TAF5L: variants seen among roughly 807,000 people sequenced by gnomAD.
TAF5L encodes the protein TATA-box binding protein associated factor 5 like, also known as TAF5-like RNA polymerase II p300/CBP-associated factor-associated factor 65 kDa subunit 5L.
Under a neutral mutation model 51.3 loss-of-function variants are expected in TAF5L, and 7 were observed. The ratio of observed to expected loss-of-function variants is 0.14; its 90% confidence interval spans 0.08 to 0.26. The LOEUF (loss-of-function observed/expected upper bound fraction) is 0.26, where lower values mean the gene tolerates loss of function less well. Ranked by LOEUF, TAF5L falls within the 10% of genes least tolerant of loss-of-function variation. The pLI is 1.00. For synonymous variants in TAF5L, 291 were observed against 308.1 expected, an observed-to-expected ratio of 0.94 and a Z score of 0.58; for missense variants, 575 against 758.9, an observed-to-expected ratio of 0.76 and a Z score of 2.85.
intron 4 of TAF5L, chr1:229,600,332 T>A: frequency 3.0e-6 from 3 of 985,400 alleles, no homozygotes; most frequent in Non-Finnish European, 3.6e-6. Context: ...GGTTTATTCT[T>A]AAAAAGGGCA....
At chr1:229,607,166 C>A in intron 3 of TAF5L, 7 of 985,360 alleles carry the variant, frequency 7.1e-6, no homozygotes, top group Non-Finnish European at 8.4e-6. Context: ...AGTCTTAAAG[C>A]CTGAGCCATC....
Position 229,594,943 on chromosome 1 carries a change from G to A in TAF5L, c.1124C>T (p.Thr375Ile), listed in dbSNP as rs371849372. Residue 375 changes from threonine (T) to isoleucine (I), a missense_variant, in exon 5 of 5, where the codon ACC becomes ATC. Thr to Ile is a moderately conservative substitution (Grantham distance 89). Coordinates refer to ENST00000258281, the Ensembl canonical transcript of TAF5L. The surrounding 1 kb of genome is among the most constrained non-coding windows in gnomAD (Gnocchi z 7.9). Reference sequence around the variant, plus strand: ...ATGTCCTTGGTACAACACAGTGTTGGTGAAACTCCCCAGATCCCAGTATCT... The same window carrying A: ...ATGTCCTTGGTACAACACAGTGTTGATGAAACTCCCCAGATCCCAGTATCT... 6.2e-7 allele frequency: 1 copy of A among 1,614,236 alleles called. No homozygotes were observed. Among genetic ancestry groups the A allele is most frequent in the Non-Finnish European group, 8.5e-7 (1 of 1,180,046 alleles).
intron 1 of TAF5L, among the ~76,000 whole-genome samples, chr1:229,619,113 T>A (rs1428015689): frequency 6.6e-6 from 1 of 152,164 alleles, no homozygotes; most frequent in Non-Finnish European, 1.5e-5. Flanking sequence ...TAACTCAAGT[T>A]ATTAGTTCTC....
intron 4 of TAF5L, chr1:229,600,006 G>T: frequency 9.1e-6 from 9 of 984,974 alleles, no homozygotes; most frequent in Non-Finnish European, 1.1e-5. Flanking sequence ...GGTTTCTCTA[G>T]GTATGTGAGT....
At position 229,595,822 on chromosome 1, in the gene TAF5L, C is replaced by T. The variant is rs575822464; in HGVS notation, c.973-728G>A. Among the ~76,000 whole-genome samples, 13 of 152,300 alleles carry T rather than the reference C, an allele frequency of 8.5e-5. No homozygotes were observed. The East Asian group carries it at 2.3e-3, about 27-fold the overall frequency. On this transcript the variant is annotated intron_variant, in intron 4 of 4. Transcript: ENST00000258281. Reference sequence around the variant, plus strand: ...CTGGGATTACAGGCATGTGCCACCACGCCTGGCTAATTTTGTATTTTTAGT... The same window carrying T: ...CTGGGATTACAGGCATGTGCCACCATGCCTGGCTAATTTTGTATTTTTAGT...
Position 229,594,130 on chromosome 1 carries a change from T to C in TAF5L, c.*167A>G. On this transcript the variant is annotated 3_prime_UTR_variant, in exon 5 of 5. Transcript: ENST00000258281. This position sits in a 1 kb window ranked among gnomAD's most constrained non-coding sequence, Gnocchi z 7.9. ...CCTGTTCCCCTCCCCAACCTTGGCCTTCGACACTGGGGGGCTGAGTGAAGG... is the reference window on the plus strand; with the variant it reads ...CCTGTTCCCCTCCCCAACCTTGGCCCTCGACACTGGGGGGCTGAGTGAAGG... The C allele has an allele frequency of 1.3e-6, 1 of 759,096 alleles. No homozygotes were observed. The allele number at this position is 759,096 out of a possible 1,614,324, so 47.0% of individuals were successfully genotyped here.
intron 4 of TAF5L, chr1:229,601,110 CTT>C: frequency 2.0e-6 from 2 of 985,132 alleles, no homozygotes. Flanking sequence ...AATCTAGACT[CTT>C]CACTCATCAC....
chr1:229,614,413 C>T (rs1384701412), exon 2 of TAF5L: 2 of 1,614,112 alleles, frequency 1.2e-6, no homozygotes, highest in Admixed American at 1.7e-5. Context: ...CCATCTGAGT[C>T]CACGTACTGC....
At chr1:229,603,041 CT>C in intron 3 of TAF5L, 122 bp from the exon 4 acceptor site, 2 of 1,425,374 alleles carry the variant, frequency 1.4e-6, no homozygotes, top group East Asian at 2.5e-5. Flanking sequence ...TTTAAGAGTA[CT>C]GATTGAACTA....
At chr1:229,622,579 A>G (rs1230124983) in intron 1 of TAF5L, among the ~76,000 whole-genome samples, 1 of 152,188 alleles carries the variant, frequency 6.6e-6, no homozygotes, top group African/African-American at 2.4e-5. Context: ...TATCTTAATA[A>G]AAAATAAAAG....
chr1:229,593,852 T>G (rs975662712), exon 5 of TAF5L: 1 of 154,046 alleles, frequency 6.5e-6, no homozygotes, highest in African/African-American at 2.4e-5. Flanking sequence ...CCTTTCCTCA[T>G]TCCCGCCCCA....
rs908983594 is a variant in TAF5L at position 229,598,762 on chromosome 1, G to A, written c.972+3433C>T. 1.1e-4 allele frequency among the ~76,000 whole-genome samples: 16 copies of A among 150,310 alleles called. No homozygotes were observed. The East Asian group carries it at 2.0e-3, about 18-fold the overall frequency. On this transcript the variant is annotated intron_variant, in intron 4 of 4. Coordinates refer to ENST00000258281, the Ensembl canonical transcript of TAF5L. ...CGCCCAGGCTGGAGTGCAGTGGCGC[G>A]GTCTCAGCTCACTGCAACCCCTGCT...
intron 4 of TAF5L, chr1:229,600,279 A>C: frequency 1.0e-6 from 1 of 985,370 alleles, no homozygotes; most frequent in Non-Finnish European, 1.2e-6. Context: ...CCTCAACAAC[A>C]GAATAGGAGA....
intron 3 of TAF5L, among the ~76,000 whole-genome samples, chr1:229,603,433 G>A (rs1041775737): frequency 6.6e-6 from 1 of 152,180 alleles, no homozygotes; most frequent in Admixed American, 6.5e-5. Context: ...AGTGATTTTA[G>A]TGCTCTAGTT....
chr1:229,619,053 CAG>C (rs1286990807), intron 1 of TAF5L, among the ~76,000 whole-genome samples: 1 of 152,080 alleles, frequency 6.6e-6, no homozygotes, highest in African/African-American at 2.4e-5. Flanking sequence ...ATGTTTATAA[CAG>C]AAGAAAAAAA....
intron 1 of TAF5L, among the ~76,000 whole-genome samples, chr1:229,621,593 G>A (rs1665204480): frequency 6.6e-6 from 1 of 152,166 alleles, no homozygotes; most frequent in Non-Finnish European, 1.5e-5. Flanking sequence ...ATTTCTTTCT[G>A]TAAAATGTCC....
chr1:229,603,056 G>A lies in TAF5L; in HGVS notation c.248-137C>T, dbSNP rs978407395. 19 of 1,399,180 alleles carry A rather than the reference G, an allele frequency of 1.4e-5. No homozygotes were observed. The Admixed American group carries it at 5.7e-4, about 42-fold the overall frequency. 86.7% of individuals were successfully genotyped at this position (1,399,180 alleles called of 1,614,324 possible). On this transcript the variant is annotated intron_variant, in intron 3 of 4. Coordinates refer to ENST00000258281, the Ensembl canonical transcript of TAF5L. ...TTTAAGAGTACTGATTGAACTATAA[G>A]CCCAACACAGGATTCTGGAATTTCA...
chr1:229,621,788 A>G (rs1665209176), intron 1 of TAF5L, among the ~76,000 whole-genome samples: 1 of 152,248 alleles, frequency 6.6e-6, no homozygotes, highest in African/African-American at 2.4e-5. Context: ...CAATATATTA[A>G]TTCACTAAAG....
intron 1 of TAF5L, among the ~76,000 whole-genome samples, chr1:229,622,629 G>C (rs1665255718): frequency 6.6e-6 from 1 of 152,054 alleles, no homozygotes; most frequent in African/African-American, 2.4e-5. Context: ...TTTTAATTTT[G>C]AAATAAGGTC....
Sources: allele counts gnomAD v4.1 joint callset (sites outside exome capture counted in the v4.1 genomes callset), GRCh38; gene constraint gnomAD v4.1.1; non-coding constraint Gnocchi (gnomAD v3.1); transcripts MANE v1.5; gene names NCBI Gene and HGNC (gene_info 2026-07-23, HGNC 2026-07-21).